METTL16: variants seen among roughly 807,000 people sequenced by gnomAD.
The protein encoded by METTL16 is RNA N(6)-adenosine-methyltransferase METTL16.
Under a neutral mutation model 57.9 loss-of-function variants are expected in METTL16, and 19 were observed. That is an observed-to-expected ratio of 0.33 (90% CI 0.23 to 0.48). The LOEUF (loss-of-function observed/expected upper bound fraction) is 0.48. Ranked by LOEUF, METTL16 falls within the 20% of genes least tolerant of loss-of-function variation. METTL16 has a pLI of 0.99. For missense variants in METTL16, 434 were observed against 691.5 expected, an observed-to-expected ratio of 0.63 and a Z score of 4.18; for synonymous variants, 246 against 255.6, an observed-to-expected ratio of 0.96 and a Z score of 0.36.
rs1346143884 is a variant in METTL16, at chr17:2,480,514, T to C, written c.129-2629A>G. On this transcript the variant is annotated intron_variant, in intron 2 of 9. Coordinates refer to ENST00000263092, the MANE Select transcript of METTL16 (RefSeq NM_024086.4). Reference sequence around the variant, plus strand: ...ACGCTCCCATCGCTACGAGCATACCTAGAGTGCCAGACCTTGGTTTCCAAA... The same window carrying C: ...ACGCTCCCATCGCTACGAGCATACCCAGAGTGCCAGACCTTGGTTTCCAAA... 2.6e-5 allele frequency among the ~76,000 whole-genome samples: 4 copies of C among 152,166 alleles called. No individual in the cohort carries two copies. The East Asian group carries it at 5.8e-4, about 22-fold the overall frequency.
chr17:2,439,010 G>A (rs1451000507), intron 7 of METTL16, among the ~76,000 whole-genome samples: 2 of 152,172 alleles, frequency 1.3e-5, no homozygotes, highest in East Asian at 3.8e-4. Flanking sequence ...CCTCCCACTG[G>A]CTTGCATCTG....
At chr17:2,508,123 TA>T (rs66655664) in intron 1 of METTL16, among the ~76,000 whole-genome samples, 123,489 of 144,450 alleles carry the variant, frequency 0.85, 52,777 homozygotes, top group Non-Finnish European at 0.92. Flanking sequence ...GAATGATCAA[TA>T]AAAAAAAAAA....
intron 6 of METTL16, among the ~76,000 whole-genome samples, chr17:2,458,538 C>G (rs2067127017): frequency 6.6e-6 from 1 of 151,984 alleles, no homozygotes; most frequent in South Asian, 2.1e-4. Flanking sequence ...ATGGTGAAAC[C>G]CTGACTCTAA....
chr17:2,438,119 ACAT>A lies in METTL16; in HGVS notation c.875_877del (p.Asp292del). The A allele has an allele frequency of 2.5e-6, 4 of 1,612,570 alleles. No individual in the cohort carries two copies. The highest frequency in any genetic ancestry group is 3.4e-6 in the Non-Finnish European group (4 of 1,178,668). On this transcript the variant is annotated inframe_deletion, in exon 8 of 10. Transcript: ENST00000263092. ...AAGGTCTGTACTTACTGGTACTGTG[ACAT>A]CATCATAAAAACTCCAAGCTAAGGC...
At position 2,440,994 on chromosome 17, in the gene METTL16, AAAG is replaced by A. The variant is rs56938960; in HGVS notation, c.798+493_798+495del. Among the ~76,000 whole-genome samples, 669 of 118,870 alleles carry A rather than the reference AAAG, an allele frequency of 5.6e-3. 11 individuals carry two copies. Among genetic ancestry groups the A allele is most frequent in the African/African-American group, 0.029 (620 of 21,508 alleles). The allele number at this position is 118,870 out of a possible 152,430, so 78.0% of individuals were successfully genotyped here. ...TCAAAAAAAAAAAAAAAAAAAAAAA[AAAG>A]AAGAAGAAGAAGAAGAAAAGAAAAG... On this transcript the variant is annotated intron_variant, in intron 7 of 9. Coordinates refer to ENST00000263092, the MANE Select transcript of METTL16 (RefSeq NM_024086.4).
chr17:2,429,087 A>G (rs1333288245), intron 8 of METTL16, among the ~76,000 whole-genome samples: 2 of 151,514 alleles, frequency 1.3e-5, no homozygotes, highest in African/African-American at 4.9e-5. Context: ...CGAACTCCCG[A>G]CCTCAGGTGA....
At chr17:2,509,522 G>A (rs922071083) in intron 1 of METTL16, among the ~76,000 whole-genome samples, 4 of 152,086 alleles carry the variant, frequency 2.6e-5, no homozygotes, top group African/African-American at 9.7e-5. Context: ...AGTCCAGCCT[G>A]GGCCACACAG....
intron 2 of METTL16, among the ~76,000 whole-genome samples, chr17:2,501,112 C>CA (rs1452407882): frequency 6.6e-6 from 1 of 151,680 alleles, no homozygotes; most frequent in Non-Finnish European, 1.5e-5. Flanking sequence ...GACTCCGTCT[C>CA]AAAAAAATAA....
At position 2,420,349 on chromosome 17, in the gene METTL16, C is replaced by A; in HGVS notation, c.1310G>T (p.Arg437Leu). 1 of 1,611,922 alleles carries A rather than the reference C, an allele frequency of 6.2e-7. No homozygotes were observed. The highest frequency in any genetic ancestry group is 8.5e-7 in the Non-Finnish European group (1 of 1,180,014). ...CTCCACAGCGGCAGCCTCGCCTTCC[C>A]GCAGAGCAGGCCCACAGGGGGTCCT... ...QERTPCGPAL[R>L]EGEAAAVEGP... Residue 437 changes from arginine to leucine, a missense_variant, in exon 10 of 10, where the codon CGG becomes CTG. Around this residue, in one of 5 missense-constraint regions of METTL16, gnomAD observed 168 missense variants for 149.6 expected, o/e 1.12. Coordinates refer to ENST00000263092, the MANE Select transcript of METTL16 (RefSeq NM_024086.4). This position sits in a 1 kb window ranked among gnomAD's most constrained non-coding sequence, Gnocchi z 5.4.
At chr17:2,446,085 T>C (rs2151552679) in intron 6 of METTL16, among the ~76,000 whole-genome samples, 1 of 152,224 alleles carries the variant, frequency 6.6e-6, no homozygotes. Flanking sequence ...TCATTCATGA[T>C]TAAAAACTCT....
At chr17:2,502,773 T>C (rs748419678) in intron 1 of METTL16, among the ~76,000 whole-genome samples, 9 of 151,300 alleles carry the variant, frequency 5.9e-5, no homozygotes, top group South Asian at 2.1e-4. Flanking sequence ...AGTGAGAAAG[T>C]AGAAATCACA....
chr17:2,504,514 T>A (rs1037711028), intron 1 of METTL16, among the ~76,000 whole-genome samples: 1 of 152,204 alleles, frequency 6.6e-6, no homozygotes, highest in African/African-American at 2.4e-5. Context: ...ATATGATCTA[T>A]AACCAAGGAT....
chr17:2,491,698 A>G (rs1048637268), intron 2 of METTL16, among the ~76,000 whole-genome samples: 11 of 150,688 alleles, frequency 7.3e-5, no homozygotes, highest in Admixed American at 1.3e-4. Context: ...ACACGGTGAA[A>G]CCCCGTCTCT....
At chr17:2,478,176 G>T (rs957444553) in intron 2 of METTL16, among the ~76,000 whole-genome samples, 1 of 152,158 alleles carries the variant, frequency 6.6e-6, no homozygotes, top group Non-Finnish European at 1.5e-5. Flanking sequence ...GTGTGACTTT[G>T]AACAAGTCAT....
At chr17:2,439,774 G>A (rs1291066544) in intron 7 of METTL16, among the ~76,000 whole-genome samples, 4 of 152,026 alleles carry the variant, frequency 2.6e-5, no homozygotes, top group Non-Finnish European at 4.4e-5. Flanking sequence ...AAAAGGCCTT[G>A]TTTTAATAAT....
At chr17:2,421,736 C>T (rs933275325) in intron 8 of METTL16, among the ~76,000 whole-genome samples, 5 of 152,102 alleles carry the variant, frequency 3.3e-5, no homozygotes, top group Non-Finnish European at 5.9e-5. Context: ...ATAAAGCAGC[C>T]GGTGAACCAC....
intron 1 of METTL16, among the ~76,000 whole-genome samples, chr17:2,508,054 C>T (rs1234298172): frequency 6.6e-6 from 1 of 151,826 alleles, no homozygotes; most frequent in Non-Finnish European, 1.5e-5. Context: ...TATCTGCTGA[C>T]CTTCCCTCCA....
chr17:2,455,891 G>T (rs1166229024), intron 6 of METTL16, among the ~76,000 whole-genome samples: 2 of 152,132 alleles, frequency 1.3e-5, no homozygotes, highest in African/African-American at 2.4e-5. Context: ...GCTGAGGCAG[G>T]AGGATTGCTT....
chr17:2,426,999 C>T (rs899006432), intron 8 of METTL16, among the ~76,000 whole-genome samples: 1 of 149,766 alleles, frequency 6.7e-6, no homozygotes, highest in Non-Finnish European at 1.5e-5. Context: ...AAAAAAGAGC[C>T]GGGCATGGAG....
Sources: allele counts gnomAD v4.1 joint callset (sites outside exome capture counted in the v4.1 genomes callset), GRCh38; gene constraint gnomAD v4.1.1; regional missense constraint gnomAD v4.1.1; non-coding constraint Gnocchi (gnomAD v3.1); transcripts MANE v1.5; gene names NCBI Gene and HGNC (gene_info 2026-07-23, HGNC 2026-07-21).